MEX3D: variants seen among roughly 807,000 people sequenced by gnomAD.
MEX3D encodes the protein RNA-binding protein MEX3D.
In MEX3D, 4 loss-of-function variants were observed where a neutral mutation model predicts 6.3. The observed-to-expected ratio is 0.64, with a 90% CI of 0.31 to 1.46. MEX3D has a LOEUF of 1.46. MEX3D is among the 40% of genes most tolerant of loss of function. The pLI is 0.07. For synonymous variants in MEX3D, 626 were observed against 494.1 expected (o/e 1.27, Z -3.54); for missense variants, 1,038 against 994.4 (o/e 1.04, Z -0.59).
Position 1,555,181 on chromosome 19 carries a change from C to T in MEX3D, c.*382G>A, listed in dbSNP as rs1184520256. ...AGTCAAATCAGAAAACGGCTTCGGA[C>T]GAAAGGAAAAAACGCTGAGCGCTGG... On this transcript the variant is annotated 3_prime_UTR_variant, in exon 2 of 2. Transcript: ENST00000402693. 4 of 757,402 alleles carry T rather than the reference C, an allele frequency of 5.3e-6. No individual in the cohort carries two copies. Among genetic ancestry groups the T allele is most frequent in the African/African-American group, 1.9e-5 (1 of 53,040 alleles). The allele number at this position is 757,402 out of a possible 1,614,324, so 46.9% of individuals were successfully genotyped here. A position where few individuals can be genotyped will look rare whatever the true frequency, so the allele number is the denominator to read the frequency against.
intron 1 of MEX3D, among the ~76,000 whole-genome samples, chr19:1,566,620 G>T (rs1030218992): frequency 6.6e-6 from 1 of 152,072 alleles, no homozygotes; most frequent in African/African-American, 2.4e-5. Flanking sequence ...GAGGGAGGCA[G>T]GCGGGCGGGT....
rs1914868790 is a variant in MEX3D, at chr19:1,567,386, G to GGGCTC, written c.595+73_595+77dup. 11 of 1,429,134 alleles carry GGGCTC rather than the reference G, an allele frequency of 7.7e-6. No homozygotes were observed. The highest frequency in any genetic ancestry group is 1.0e-5 in the Non-Finnish European group (11 of 1,091,532). 88.5% of individuals were successfully genotyped at this position (1,429,134 alleles called of 1,614,324 possible). The stretch of plus-strand genomic sequence containing the variant: ...CGGGGCGTCCGGCGCGGGCTGGGCT[G>GGGCTC]GGCTCGGGCGACCCCCTTCCCCGGG... On this transcript the variant is annotated intron_variant, in intron 1 of 1. Transcript: ENST00000402693. This position sits in a 1 kb window ranked among gnomAD's most constrained non-coding sequence, Gnocchi z 6.5.
chr19:1,556,517 G>T lies in MEX3D; in HGVS notation c.1002C>A (p.Ile334=), dbSNP rs374433022. Reference sequence around the variant, plus strand: ...CAGTGCGCAGCGTGATGTGCGCCTCGATCTCCTCGCGCGCGCGGTCCACGT... The same window carrying T: ...CAGTGCGCAGCGTGATGTGCGCCTCTATCTCCTCGCGCGCGCGGTCCACGT... The part of the protein sequence containing the change: ...PENVDRAREE[I]EAHITLRTGA... The change falls in exon 2 of 2, where the codon ATC becomes ATA. Residue 334 remains isoleucine (I), a synonymous_variant. Coordinates refer to ENST00000402693, the MANE Select transcript of MEX3D (RefSeq NM_203304.4). This position sits in a 1 kb window ranked among gnomAD's most constrained non-coding sequence, Gnocchi z 7.5. 49 of 1,605,894 alleles carry T rather than the reference G, an allele frequency of 3.1e-5. No individual in the cohort carries two copies. The highest frequency in any genetic ancestry group is 4.0e-5 in the Non-Finnish European group (47 of 1,177,430).
intron 1 of MEX3D, among the ~76,000 whole-genome samples, chr19:1,563,364 G>C (rs1025771172): frequency 8.5e-5 from 13 of 152,192 alleles, no homozygotes; most frequent in African/African-American, 3.1e-4. Context: ...CGACAGCAGA[G>C]AGAGCGAGCC....
At chr19:1,559,276 C>T (rs1466534831) in intron 1 of MEX3D, among the ~76,000 whole-genome samples, 3 of 152,096 alleles carry the variant, frequency 2.0e-5, no homozygotes, top group African/African-American at 7.2e-5. Flanking sequence ...GGATTACAGG[C>T]GCCCACCACC....
At position 1,567,447 on chromosome 19, in the gene MEX3D, C is replaced by G. The variant is rs1485550454; in HGVS notation, c.595+17G>C. ...CGGGGACCCCCAGGACAGCAACCCC[C>G]GACGAGGGCCACTCACCCTGGCGAC... On this transcript the variant is annotated intron_variant, in intron 1 of 1. Transcript: ENST00000402693. This position sits in a 1 kb window ranked among gnomAD's most constrained non-coding sequence, Gnocchi z 6.5. 1 of 1,557,472 alleles carries G rather than the reference C, an allele frequency of 6.4e-7. No individual in the cohort carries two copies. Among genetic ancestry groups the G allele is most frequent in the Non-Finnish European group, 8.7e-7 (1 of 1,154,508 alleles).
Position 1,555,740 on chromosome 19 carries a change from G to A in MEX3D, c.1779C>T (p.Ala593=). The change falls in exon 2 of 2, where the codon GCC becomes GCT. Residue 593 remains alanine, a synonymous_variant. Coordinates refer to ENST00000402693, the MANE Select transcript of MEX3D (RefSeq NM_203304.4). ...NSRKPPSASS[A]PALARECVVC... ...CCACGCACTCTCGCGCCAGGGCCGG[G>A]GCCGAGGACGCCGAAGGGGGCTTGC... The A allele has an allele frequency of 1.3e-6, 2 of 1,516,512 alleles. No homozygotes were observed. Among genetic ancestry groups the A allele is most frequent in the South Asian group, 1.2e-5 (1 of 81,952 alleles). The allele number at this position is 1,516,512 out of a possible 1,614,324, so 93.9% of individuals were successfully genotyped here.
intron 1 of MEX3D, among the ~76,000 whole-genome samples, chr19:1,557,731 C>A (rs1914610125): frequency 6.6e-6 from 1 of 150,896 alleles, no homozygotes; most frequent in Non-Finnish European, 1.5e-5. Context: ...TGGTGGCAGG[C>A]ATCTGTAGTC....
Position 1,555,446 on chromosome 19 carries a change from C to CCCCCCG in MEX3D, c.*116_*117insCGGGGG. On this transcript the variant is annotated 3_prime_UTR_variant, in exon 2 of 2. Transcript: ENST00000402693. ...ACTGGCCGCCGCCCACCCCCCTGCC[C>CCCCCCG]CCTCGGCCTCCGCCCCTCGCCCCCT... is the stretch of plus-strand genomic sequence containing the variant. 1 of 1,453,472 alleles carries CCCCCCG rather than the reference C, an allele frequency of 6.9e-7. No individual in the cohort carries two copies. The highest frequency in any genetic ancestry group is 9.2e-7 in the Non-Finnish European group (1 of 1,085,616). The allele number at this position is 1,453,472 out of a possible 1,614,324, so 90.0% of individuals were successfully genotyped here. A position where few individuals can be genotyped will look rare whatever the true frequency, so the allele number is the denominator to read the frequency against.
At chr19:1,561,666 G>A (rs1193464047) in intron 1 of MEX3D, among the ~76,000 whole-genome samples, 1 of 151,972 alleles carries the variant, frequency 6.6e-6, no homozygotes, top group African/African-American at 2.4e-5. Flanking sequence ...GCAAGATCCT[G>A]TCTCTATAAA....
intron 1 of MEX3D, among the ~76,000 whole-genome samples, chr19:1,561,623 G>A (rs1914720606): frequency 6.6e-6 from 1 of 151,900 alleles, no homozygotes; most frequent in Admixed American, 6.6e-5. Flanking sequence ...GATCACTTGA[G>A]GCCAGGAGTT....
intron 1 of MEX3D, among the ~76,000 whole-genome samples, chr19:1,561,137 G>A (rs751462609): frequency 6.6e-5 from 10 of 152,138 alleles, no homozygotes; most frequent in Non-Finnish European, 1.5e-4. Context: ...CCCCCTACCA[G>A]GGCCCCACGC....
chr19:1,557,936 C>T (rs1188117248), intron 1 of MEX3D, among the ~76,000 whole-genome samples: 1 of 141,280 alleles, frequency 7.1e-6, no homozygotes, highest in Non-Finnish European at 1.5e-5. Flanking sequence ...GCCTGTAATC[C>T]CAGCCACTGG....
Position 1,555,371 on chromosome 19 carries a change from G to T in MEX3D, c.*192C>A, listed in dbSNP as rs368958520. On this transcript the variant is annotated 3_prime_UTR_variant, in exon 2 of 2. Coordinates refer to ENST00000402693, the MANE Select transcript of MEX3D (RefSeq NM_203304.4). ...AAGGGCTGAGGCGCCGCCGGGCTGC[G>T]GGGTCTCCGTCTCCACGCCTGAGGC... The T allele has an allele frequency of 1.2e-4, 189 of 1,602,186 alleles. No individual in the cohort carries two copies. Among genetic ancestry groups the T allele is most frequent in the Non-Finnish European group, 1.4e-4 (165 of 1,173,972 alleles).
In MEX3D at chr19:1,556,396, T is replaced by G. The variant is rs527279684; in HGVS notation, c.1123A>C (p.Lys375Gln). Reference protein sequence around the residue: ...LLGAAASLWAKTPNQGRRPPT... With the variant: ...LLGAAASLWAQTPNQGRRPPT... ...GGCCGTCGTCCCTGGTTGGGGGTCTTGGCCCAGAGGCTGGCGGCCGCCCCG... is the reference window on the plus strand; with the variant it reads ...GGCCGTCGTCCCTGGTTGGGGGTCTGGGCCCAGAGGCTGGCGGCCGCCCCG... Residue 375 changes from lysine to glutamine, a missense_variant, in exon 2 of 2, where the codon AAG becomes CAG. Lys to Gln is a moderately conservative substitution (Grantham distance 53). Around this residue, in one of 5 missense-constraint regions of MEX3D, gnomAD observed 581 missense variants for 516.2 expected, o/e 1.13. Transcript: ENST00000402693. This position sits in a 1 kb window ranked among gnomAD's most constrained non-coding sequence, Gnocchi z 7.5. 9 of 1,560,532 alleles carry G rather than the reference T, an allele frequency of 5.8e-6. No homozygotes were observed. The highest frequency in any genetic ancestry group is 3.6e-5 in the Admixed American group (2 of 55,434).
intron 1 of MEX3D, among the ~76,000 whole-genome samples, chr19:1,561,606 G>A (rs1167821290): frequency 1.3e-5 from 2 of 151,842 alleles, no homozygotes; most frequent in Non-Finnish European, 2.9e-5. Context: ...GGAGGCCAAG[G>A]CAGGAGGATC....
rs778430697 is a variant in MEX3D, at chr19:1,567,434, G to C, written c.595+30C>G. Reference sequence around the variant, plus strand: ...GGGGCGGACGGTGCGGGGACCCCCAGGACAGCAACCCCCGACGAGGGCCAC... The same window carrying C: ...GGGGCGGACGGTGCGGGGACCCCCACGACAGCAACCCCCGACGAGGGCCAC... On this transcript the variant is annotated intron_variant, in intron 1 of 1. Transcript: ENST00000402693. This position sits in a 1 kb window ranked among gnomAD's most constrained non-coding sequence, Gnocchi z 6.5. The C allele has an allele frequency of 6.5e-7, 1 of 1,549,216 alleles. No individual in the cohort carries two copies. Among genetic ancestry groups the C allele is most frequent in the African/African-American group, 1.4e-5 (1 of 69,954 alleles).
At chr19:1,565,722 C>T (rs1442563796) in intron 1 of MEX3D, among the ~76,000 whole-genome samples, 26 of 152,174 alleles carry the variant, frequency 1.7e-4, no homozygotes, top group Admixed American at 1.6e-3. Flanking sequence ...GCCTTGCTGA[C>T]GGCCACCAGC....
rs1347279902 is a variant in MEX3D at position 1,555,491 on chromosome 19, C to T, written c.*72G>A. On this transcript the variant is annotated 3_prime_UTR_variant, in exon 2 of 2. Coordinates refer to ENST00000402693, the MANE Select transcript of MEX3D (RefSeq NM_203304.4). ...CCCCCTCCCCGTCCCTCTCCCACCC[C>T]GGGTCCCGCCCCGTCTCCCGCGCCC... is the stretch of plus-strand genomic sequence containing the variant. 31 of 1,506,548 alleles carry T rather than the reference C, an allele frequency of 2.1e-5. No homozygotes were observed. Among genetic ancestry groups the T allele is most frequent in the East Asian group, 5.1e-5 (2 of 39,036 alleles). The allele number at this position is 1,506,548 out of a possible 1,614,324, so 93.3% of individuals were successfully genotyped here.
Sources: gnomAD v4.1 joint callset for allele counts (sites outside exome capture counted in the v4.1 genomes callset) on GRCh38, gnomAD v4.1.1 for gene constraint, gnomAD v4.1.1 regional missense constraint, Gnocchi (gnomAD v3.1) non-coding constraint, MANE v1.5 for transcripts, NCBI Gene and HGNC (gene_info 2026-07-23, HGNC 2026-07-21) for gene names.